Variants in FSHR observed in about 807,000 individuals in gnomAD.
FSHR encodes the protein follicle-stimulating hormone receptor.
In FSHR, 46 loss-of-function variants were observed where a neutral mutation model predicts 52.1. That is an observed-to-expected ratio of 0.88 (90% CI 0.70 to 1.13). The LOEUF (loss-of-function observed/expected upper bound fraction) is 1.13, where lower values mean the gene tolerates loss of function less well. FSHR is among the 50% of genes most tolerant of loss of function. FSHR has a pLI of 0.00. For missense variants in FSHR, 964 were observed against 834.6 expected (o/e 1.16, Z -1.91); for synonymous variants, 399 against 309.6 (o/e 1.29, Z -3.03).
intron 2 of FSHR, among the ~76,000 whole-genome samples, chr2:49,034,196 C>T (rs1041185999): frequency 1.3e-5 from 2 of 152,186 alleles, no homozygotes; most frequent in African/African-American, 4.8e-5. Context: ...TCCCCTTCCC[C>T]AGTTATTCTT....
At chr2:49,109,855 A>T (rs1005281971) in intron 1 of FSHR, among the ~76,000 whole-genome samples, 2 of 152,200 alleles carry the variant, frequency 1.3e-5, no homozygotes, top group African/African-American at 4.8e-5. Flanking sequence ...TTCTGTAAAA[A>T]AGGGTAAATT....
chr2:49,077,099 G>C (rs146897609), intron 1 of FSHR, among the ~76,000 whole-genome samples: 251 of 152,304 alleles, frequency 1.6e-3, no homozygotes, highest in African/African-American at 5.8e-3. Context: ...CTCTGTGTCA[G>C]GGTCCCACCA....
rs1161222069 is a variant in FSHR, at chr2:48,963,966, G to A, written c.855C>T (p.Ile285=). The A allele has an allele frequency of 6.2e-7, 1 of 1,612,080 alleles. No homozygotes were observed. Among genetic ancestry groups the A allele is most frequent in the Non-Finnish European group, 8.5e-7 (1 of 1,179,710 alleles). The part of the protein sequence containing the change: ...CCAFANWRRQ[I]SELHPICNKS... Reference sequence around the variant, plus strand: ...TGTTGCAAATTGGATGAAGCTCAGAGCTAGAAAAATACAAAAAGAAATAGA... The same window carrying A: ...TGTTGCAAATTGGATGAAGCTCAGAACTAGAAAAATACAAAAAGAAATAGA... The change falls in exon 10 of 10, where the codon ATC becomes ATT. Residue 285 remains isoleucine, a splice_region_variant and synonymous_variant. Transcript: ENST00000406846.
intron 1 of FSHR, among the ~76,000 whole-genome samples, chr2:49,075,703 T>A (rs758113739): frequency 6.6e-6 from 1 of 152,118 alleles, no homozygotes; most frequent in African/African-American, 2.4e-5. Context: ...TCATGGCTTA[T>A]TGCAGCCTTG....
rs538022522 is a variant in FSHR at position 48,972,771 on chromosome 2, C to A, written c.669-3888G>T. Among the ~76,000 whole-genome samples, 10 of 152,316 alleles carry A rather than the reference C, an allele frequency of 6.6e-5. No homozygotes were observed. The Middle Eastern group carries it at 0.024, about 363-fold the overall frequency. On this transcript the variant is annotated intron_variant, in intron 8 of 9. Coordinates refer to ENST00000406846, the MANE Select transcript of FSHR (RefSeq NM_000145.4). ...TAGGAACAATTTAGACCAAGACCAT[C>A]ATTGCCTCTCATGAACATTTTTCAC...
At chr2:49,000,665 A>G (rs1301153584) in intron 4 of FSHR, among the ~76,000 whole-genome samples, 1 of 152,164 alleles carries the variant, frequency 6.6e-6, no homozygotes, top group African/African-American at 2.4e-5. Flanking sequence ...GGGTTTCTGG[A>G]GAAAGCTGTA....
Position 49,057,046 on chromosome 2 carries a change from A to G in FSHR, c.224+11173T>C, listed in dbSNP as rs1335351386. Among the ~76,000 whole-genome samples the G allele has an allele frequency of 1.3e-5, 2 of 152,144 alleles. 1 individual carries two copies. Among genetic ancestry groups the G allele is most frequent in the Non-Finnish European group, 2.9e-5 (2 of 67,990 alleles). On this transcript the variant is annotated intron_variant, in intron 2 of 9. Transcript: ENST00000406846. ...CAAGTTTATATCAGTAAACCCCTAT[A>G]TGAAAAAACAAGAAAGATTTCCCAG...
intron 2 of FSHR, among the ~76,000 whole-genome samples, chr2:49,033,307 T>A (rs1298128919): frequency 6.6e-6 from 1 of 152,170 alleles, no homozygotes; most frequent in African/African-American, 2.4e-5. Context: ...TGCTTGCTGC[T>A]TGTGTAACCT....
At chr2:48,969,243 G>A (rs1370582448) in intron 8 of FSHR, among the ~76,000 whole-genome samples, 1 of 152,190 alleles carries the variant, frequency 6.6e-6, no homozygotes, top group East Asian at 1.9e-4. Context: ...AAGGGATTGA[G>A]ACCATTTGTC....
At chr2:49,128,186 A>G (rs1672135795) in intron 1 of FSHR, among the ~76,000 whole-genome samples, 1 of 152,006 alleles carries the variant, frequency 6.6e-6, no homozygotes, top group Non-Finnish European at 1.5e-5. Context: ...CAGCCAATTT[A>G]TGCTTGAACT....
intron 2 of FSHR, among the ~76,000 whole-genome samples, chr2:49,032,541 G>T (rs980917941): frequency 6.6e-6 from 1 of 152,190 alleles, no homozygotes; most frequent in African/African-American, 2.4e-5. Context: ...TCTCTTTGGA[G>T]TACATAGTGA....
At chr2:48,984,309 C>T (rs1675389981) in intron 6 of FSHR, among the ~76,000 whole-genome samples, 1 of 152,068 alleles carries the variant, frequency 6.6e-6, no homozygotes, top group African/African-American at 2.4e-5. Context: ...GGCTATGCAC[C>T]CCCAATGCCA....
intron 6 of FSHR, among the ~76,000 whole-genome samples, chr2:48,988,718 G>C (rs965114413): frequency 7.9e-5 from 12 of 152,204 alleles, no homozygotes; most frequent in Admixed American, 5.2e-4. Context: ...CTTTGGAACA[G>C]ATGTTGTATC....
intron 1 of FSHR, among the ~76,000 whole-genome samples, chr2:49,112,844 G>A (rs754742838): frequency 1.3e-5 from 2 of 152,118 alleles, no homozygotes; most frequent in African/African-American, 2.4e-5. Flanking sequence ...GCCATGCTGC[G>A]TATTTGAAAG....
chr2:49,064,812 G>C (rs758540801), intron 2 of FSHR, among the ~76,000 whole-genome samples: 1 of 152,122 alleles, frequency 6.6e-6, no homozygotes, highest in East Asian at 1.9e-4. Flanking sequence ...TAAATGTGCT[G>C]TTAATATTAT....
intron 1 of FSHR, among the ~76,000 whole-genome samples, chr2:49,121,104 T>C (rs1166280180): frequency 6.6e-6 from 1 of 152,236 alleles, no homozygotes; most frequent in Non-Finnish European, 1.5e-5. Context: ...CTGTTTTGGA[T>C]AATATGTGGT....
At chr2:49,031,350 C>A (rs549105918) in intron 2 of FSHR, among the ~76,000 whole-genome samples, 8 of 152,216 alleles carry the variant, frequency 5.3e-5, no homozygotes, top group Admixed American at 3.3e-4. Context: ...TAGAAAGACA[C>A]CTTTTAGAAA....
chr2:49,056,445 A>AAT (rs70946848), intron 2 of FSHR, among the ~76,000 whole-genome samples: 6,459 of 124,426 alleles, frequency 0.052, 154 homozygotes, highest in Non-Finnish European at 0.064. Flanking sequence ...TTACAATTGG[A>AAT]ATATATATAT....
chr2:48,978,469 C>G (rs138289115), intron 8 of FSHR, among the ~76,000 whole-genome samples: 2 of 152,344 alleles, frequency 1.3e-5, no homozygotes, highest in South Asian at 2.1e-4. Context: ...GTGTTTGAAT[C>G]TGAACTATCA....
Sources: gnomAD v4.1 joint callset for allele counts (sites outside exome capture counted in the v4.1 genomes callset) on GRCh38, gnomAD v4.1.1 for gene constraint, MANE v1.5 for transcripts, NCBI Gene and HGNC (gene_info 2026-07-23, HGNC 2026-07-21) for gene names.